The following FIP1L1 variants were observed in gnomAD, a reference collection of about 807,000 sequenced individuals.
FIP1L1 encodes the protein pre-mRNA 3'-end-processing factor FIP1.
In FIP1L1, 21 loss-of-function variants were observed where a neutral mutation model predicts 84.6. The observed-to-expected ratio is 0.25, with a 90% CI of 0.18 to 0.36. The LOEUF is 0.36. Ranked by LOEUF, FIP1L1 falls within the 10% of genes least tolerant of loss-of-function variation. FIP1L1 has a pLI of 1.00. For missense variants in FIP1L1, 526 were observed against 751.1 expected, an observed-to-expected ratio of 0.70 and a Z score of 3.50; for synonymous variants, 263 against 242.3, an observed-to-expected ratio of 1.09 and a Z score of -0.80.
chr4:53,459,570 GTTAAC>G lies in FIP1L1; in HGVS notation c.*124_*128del. 7.0e-7 allele frequency: 1 copy of G among 1,421,378 alleles called. No homozygotes were observed. The highest frequency in any genetic ancestry group is 9.7e-7 in the Non-Finnish European group (1 of 1,032,544). 88.0% of individuals were successfully genotyped at this position (1,421,378 alleles called of 1,614,324 possible). Reference sequence around the variant, plus strand: ...CTTGTTCTGTTTGTTAGTATGAAAAGTTAACTTTTTTTCCAAAATAAAAGAGTGAA... The same window carrying G: ...CTTGTTCTGTTTGTTAGTATGAAAAGTTTTTTTCCAAAATAAAAGAGTGAA... On this transcript the variant is annotated 3_prime_UTR_variant, in exon 18 of 18. Coordinates refer to ENST00000337488, the MANE Select transcript of FIP1L1 (RefSeq NM_030917.4).
chr4:53,432,744 G>A (rs1349939039), intron 13 of FIP1L1, among the ~76,000 whole-genome samples: 1 of 152,136 alleles, frequency 6.6e-6, no homozygotes, highest in Non-Finnish European at 1.5e-5. Flanking sequence ...CTAGAAAATA[G>A]TAAAACCAGA....
rs988284538 is a variant in FIP1L1 at position 53,383,976 on chromosome 4, T to A, written c.332+100T>A. On this transcript the variant is annotated intron_variant, in intron 5 of 17. Coordinates refer to ENST00000337488, the MANE Select transcript of FIP1L1 (RefSeq NM_030917.4). ...AGTGGTTGAGTCCATTGTTTTTACA[T>A]TTTTCTATTTTAACATAAAAGAACT... 2.0e-5 allele frequency: 22 copies of A among 1,093,556 alleles called. No homozygotes were observed. The Admixed American group carries it at 4.6e-4, about 23-fold the overall frequency. The allele number at this position is 1,093,556 out of a possible 1,614,324, so 67.7% of individuals were successfully genotyped here. A position where few individuals can be genotyped will look rare whatever the true frequency, so the allele number is the denominator to read the frequency against.
chr4:53,422,525 A>G (rs1051340755), intron 11 of FIP1L1, among the ~76,000 whole-genome samples: 1 of 152,022 alleles, frequency 6.6e-6, no homozygotes, highest in African/African-American at 2.4e-5. Flanking sequence ...AAATATATAT[A>G]AAGTATTTAG....
chr4:53,429,474 T>A (rs1173303733), intron 13 of FIP1L1, among the ~76,000 whole-genome samples: 1 of 152,198 alleles, frequency 6.6e-6, no homozygotes, highest in Non-Finnish European at 1.5e-5. Flanking sequence ...CTTCTGTGAT[T>A]TCTATGTGAA....
At chr4:53,449,259 G>A (rs982277759) in intron 15 of FIP1L1, among the ~76,000 whole-genome samples, 2 of 151,814 alleles carry the variant, frequency 1.3e-5, no homozygotes, top group African/African-American at 4.8e-5. Flanking sequence ...TTTACTGTTA[G>A]GTTTTTGATA....
intron 13 of FIP1L1, among the ~76,000 whole-genome samples, chr4:53,438,320 C>G (rs1431716222): frequency 4.6e-5 from 7 of 152,176 alleles, no homozygotes; most frequent in Non-Finnish European, 1.0e-4. Flanking sequence ...TCTTCCCTTA[C>G]ACTGTTTCTC....
At chr4:53,400,059 G>T (rs565006746) in intron 10 of FIP1L1, among the ~76,000 whole-genome samples, 1 of 152,310 alleles carries the variant, frequency 6.6e-6, no homozygotes, top group Non-Finnish European at 1.5e-5. Context: ...ATAGTTTTGT[G>T]TATGAATAAA....
At chr4:53,405,037 C>T (rs1752486445) in intron 10 of FIP1L1, among the ~76,000 whole-genome samples, 1 of 152,106 alleles carries the variant, frequency 6.6e-6, no homozygotes, top group Non-Finnish European at 1.5e-5. Flanking sequence ...TCAGTTTTGG[C>T]TTTTGTTGCC....
intron 13 of FIP1L1, among the ~76,000 whole-genome samples, chr4:53,429,878 A>G (rs1256955712): frequency 1.3e-5 from 2 of 152,208 alleles, no homozygotes; most frequent in African/African-American, 4.8e-5. Context: ...GCTGTACAGT[A>G]GAGCTCCAAA....
At chr4:53,397,912 G>GAA (rs1302100283) in intron 9 of FIP1L1, among the ~76,000 whole-genome samples, 1 of 152,148 alleles carries the variant, frequency 6.6e-6, no homozygotes, top group African/African-American at 2.4e-5. Flanking sequence ...ACTTTGAGAT[G>GAA]TCTGTTAGAC....
At chr4:53,428,634 A>G (rs1443996743) in intron 13 of FIP1L1, among the ~76,000 whole-genome samples, 6 of 152,280 alleles carry the variant, frequency 3.9e-5, no homozygotes, top group Non-Finnish European at 7.4e-5. Context: ...GGAGACTGCT[A>G]CTGGGTGCCT....
At chr4:53,393,725 T>G (rs1052786142) in intron 9 of FIP1L1, among the ~76,000 whole-genome samples, 2 of 151,402 alleles carry the variant, frequency 1.3e-5, no homozygotes, top group Non-Finnish European at 2.9e-5. Context: ...TAAAATATTT[T>G]TTATTCATTT....
Position 53,428,169 on chromosome 4 carries a change from T to C in FIP1L1, c.1160T>C (p.Leu387Pro). ...CCGACTGTCAGCACTGCTCCACCTC[T>C]GATTCCACCACCGGGTAAATAGTAA... ...PPPTVSTAPP[L>P]IPPPGFPPPP... Residue 387 changes from leucine to proline, a missense_variant, in exon 13 of 18, where the codon CTG (leucine) becomes CCG (proline). Coordinates refer to ENST00000337488, the MANE Select transcript of FIP1L1 (RefSeq NM_030917.4). 6.3e-7 allele frequency: 1 copy of C among 1,582,860 alleles called. No homozygotes were observed. Among genetic ancestry groups the C allele is most frequent in the Non-Finnish European group, 8.6e-7 (1 of 1,160,594 alleles).
chr4:53,402,567 C>T (rs553461307), intron 10 of FIP1L1, among the ~76,000 whole-genome samples: 2 of 151,894 alleles, frequency 1.3e-5, no homozygotes, highest in South Asian at 2.1e-4. Flanking sequence ...CTGGGCATTG[C>T]GAAGCAAACC....
chr4:53,437,520 G>T (rs1357100523), intron 13 of FIP1L1, among the ~76,000 whole-genome samples: 4 of 151,742 alleles, frequency 2.6e-5, no homozygotes, highest in African/African-American at 9.7e-5. Flanking sequence ...CTTAGAATCG[G>T]ATCCAGTGAT....
At chr4:53,388,832 T>C (rs968678652) in intron 5 of FIP1L1, among the ~76,000 whole-genome samples, 3 of 152,214 alleles carry the variant, frequency 2.0e-5, no homozygotes, top group Non-Finnish European at 4.4e-5. Context: ...ACAAGGCTCA[T>C]TTATACAAGT....
chr4:53,417,781 TC>T (rs1560537352), intron 11 of FIP1L1, among the ~76,000 whole-genome samples: 36 of 56,648 alleles, frequency 6.4e-4, no homozygotes, highest in Non-Finnish European at 1.2e-3. Flanking sequence ...TCTCTCTCTC[TC>T]TCTCTCTCTC....
intron 10 of FIP1L1, among the ~76,000 whole-genome samples, chr4:53,408,245 C>G (rs890368128): frequency 1.3e-5 from 2 of 152,132 alleles, no homozygotes; most frequent in Admixed American, 1.3e-4. Context: ...ATTTCTCCAT[C>G]TCTTATGAAG....
intron 10 of FIP1L1, among the ~76,000 whole-genome samples, chr4:53,411,102 A>G (rs954297083): frequency 1.3e-5 from 2 of 152,164 alleles, no homozygotes; most frequent in African/African-American, 4.8e-5. Context: ...TATGAAGGTT[A>G]GCTAGAGTTG....
Sources: gnomAD v4.1 joint callset for allele counts (sites outside exome capture counted in the v4.1 genomes callset) on GRCh38, gnomAD v4.1.1 for gene constraint, MANE v1.5 for transcripts, NCBI Gene and HGNC (gene_info 2026-07-23, HGNC 2026-07-21) for gene names.